MAPK10: variants seen among roughly 807,000 people sequenced by gnomAD.
MAPK10 encodes JNK3 alpha protein kinase.
Under a neutral mutation model 59.3 loss-of-function variants are expected in MAPK10, and 25 were observed. That is an observed-to-expected ratio of 0.42 (90% CI 0.31 to 0.59). The LOEUF (loss-of-function observed/expected upper bound fraction) is 0.59. Among genes scored for constraint, MAPK10 ranks in the 20% least tolerant of loss-of-function variants. The pLI is 0.15. For missense variants in MAPK10, 351 were observed against 568.9 expected, an observed-to-expected ratio of 0.62 and a Z score of 3.90; for synonymous variants, 190 against 200.5, an observed-to-expected ratio of 0.95 and a Z score of 0.44.
intron 1 of MAPK10, among the ~76,000 whole-genome samples, chr4:86,488,188 G>A (rs1196231657): frequency 2.0e-5 from 3 of 152,148 alleles, no homozygotes; most frequent in East Asian, 3.8e-4. Context: ...ATGATGCTCT[G>A]CTCAGATCAT....
At chr4:86,394,573 A>G (rs1742664090) in intron 1 of MAPK10, among the ~76,000 whole-genome samples, 1 of 152,254 alleles carries the variant, frequency 6.6e-6, no homozygotes, top group East Asian at 1.9e-4. Flanking sequence ...GATTTTTTTC[A>G]GCTGAGAAAC....
intron 4 of MAPK10, among the ~76,000 whole-genome samples, chr4:86,144,943 A>C (rs2064523018): frequency 6.6e-6 from 1 of 152,188 alleles, no homozygotes; most frequent in Non-Finnish European, 1.5e-5. Flanking sequence ...CTATGGACAC[A>C]GTAGCTAAGT....
upstream of MAPK10, among the ~76,000 whole-genome samples, chr4:86,457,638 G>A (rs143608969): frequency 0.015 from 2,205 of 152,058 alleles, 30 homozygotes; most frequent in Middle Eastern, 0.027. Context: ...ACTACAAAAC[G>A]TTGCCGAAAG....
intron 2 of MAPK10, among the ~76,000 whole-genome samples, chr4:86,257,914 C>G (rs1394903644): frequency 6.6e-6 from 1 of 152,174 alleles, no homozygotes; most frequent in Non-Finnish European, 1.5e-5. Context: ...TTAACACATT[C>G]TCCTGATCGA....
At chr4:86,258,972 G>A (rs1314691977) in intron 2 of MAPK10, among the ~76,000 whole-genome samples, 1 of 152,044 alleles carries the variant, frequency 6.6e-6, no homozygotes. Context: ...TAGCATATAA[G>A]CTAATTTGCT....
chr4:86,547,418 G>A (rs985903949), intron 1 of MAPK10, among the ~76,000 whole-genome samples: 2 of 152,258 alleles, frequency 1.3e-5, no homozygotes, highest in Non-Finnish European at 2.9e-5. Context: ...ACCGCCCGGG[G>A]CAGTGAGGGG....
intron 1 of MAPK10, among the ~76,000 whole-genome samples, chr4:86,487,277 T>C (rs894986268): frequency 6.6e-6 from 1 of 152,084 alleles, no homozygotes; most frequent in Non-Finnish European, 1.5e-5. Context: ...TACCTTTTTT[T>C]CTTAGGAAAT....
intron 1 of MAPK10, among the ~76,000 whole-genome samples, chr4:86,486,576 T>C (rs1754014367): frequency 6.6e-6 from 1 of 152,198 alleles, no homozygotes; most frequent in South Asian, 2.1e-4. Flanking sequence ...GATTATGTTC[T>C]TGGGTGCCAG....
In MAPK10 at chr4:86,278,416, G is replaced by A. The variant is rs181647279; in HGVS notation, c.-7+76114C>T. ...TAGCTTATTATACATCACAGGGAAC[G>A]TTAGTTATGTGTAGTTTAAGGAAAT... On this transcript the variant is annotated intron_variant, in intron 2 of 13. Transcript: ENST00000641462. 7.2e-5 allele frequency among the ~76,000 whole-genome samples: 11 copies of A among 152,234 alleles called. No individual in the cohort carries two copies. In the East Asian group the frequency reaches 7.7e-4, roughly 11 times the overall value.
intron 2 of MAPK10, among the ~76,000 whole-genome samples, chr4:86,244,236 G>GT (rs1433817869): frequency 6.6e-6 from 1 of 152,058 alleles, no homozygotes; most frequent in Non-Finnish European, 1.5e-5. Flanking sequence ...GAAAAGTAGT[G>GT]TTTAGGCACT....
chr4:86,159,255 C>A, intron 4 of MAPK10, 43 bp downstream of exon 4: 1 of 1,490,530 alleles, frequency 6.7e-7, no homozygotes, highest in Non-Finnish European at 9.0e-7. Flanking sequence ...TAGTTGCACA[C>A]GGTGTGTTCC....
At chr4:86,171,595 T>G (rs1053158098) in intron 3 of MAPK10, among the ~76,000 whole-genome samples, 1 of 152,170 alleles carries the variant, frequency 6.6e-6, no homozygotes, top group Admixed American at 6.5e-5. Context: ...ATTAAAGACT[T>G]AAATGTTAGA....
intron 9 of MAPK10, among the ~76,000 whole-genome samples, chr4:86,068,770 CT>C (rs2047200284): frequency 6.6e-6 from 1 of 152,098 alleles, no homozygotes; most frequent in South Asian, 2.1e-4. Flanking sequence ...GGAGCTAGCT[CT>C]TTTTGCAGAC....
intron 2 of MAPK10, among the ~76,000 whole-genome samples, chr4:86,310,742 G>A (rs1440514682): frequency 1.3e-5 from 2 of 151,920 alleles, no homozygotes; most frequent in Non-Finnish European, 2.9e-5. Flanking sequence ...TATTTATGAT[G>A]GCTTGCTCTC....
intron 4 of MAPK10, among the ~76,000 whole-genome samples, chr4:86,135,244 A>G (rs2061759058): frequency 6.6e-6 from 1 of 152,210 alleles, no homozygotes; most frequent in Admixed American, 6.5e-5. Flanking sequence ...GGCACAGACA[A>G]ACAAAAAGCC....
chr4:86,145,316 C>G (rs1327367082), intron 4 of MAPK10, among the ~76,000 whole-genome samples: 1 of 87,672 alleles, frequency 1.1e-5, no homozygotes, highest in Non-Finnish European at 2.2e-5. Flanking sequence ...GAGCCGAGAT[C>G]GCGCCACTGC....
chr4:86,550,408 AAAAC>A, intron 1 of MAPK10, among the ~76,000 whole-genome samples: 1 of 129,804 alleles, frequency 7.7e-6, no homozygotes, highest in Admixed American at 8.3e-5. Context: ...AAAAAAAAAA[AAAAC>A]TCCAGGCCAG....
At chr4:86,067,726 G>A (rs968050091) in intron 10 of MAPK10, 47 bp downstream of exon 10, 3 of 1,511,110 alleles carry the variant, frequency 2.0e-6, no homozygotes, top group Non-Finnish European at 2.7e-6. Context: ...TGCTTGTTTG[G>A]CCCGTCACCC....
intron 13 of MAPK10, chr4:86,023,852 A>ATATATATATATATAT (rs1560633949): frequency 1.4e-4 from 14 of 98,484 alleles, no homozygotes; most frequent in Non-Finnish European, 1.2e-4. Context: ...TATATATATA[A>ATATATATATATATAT]AATGAATGTT....
Sources: allele counts gnomAD v4.1 joint callset (sites outside exome capture counted in the v4.1 genomes callset), GRCh38; gene constraint gnomAD v4.1.1; transcripts MANE v1.5; gene names NCBI Gene and HGNC (gene_info 2026-07-23, HGNC 2026-07-21).